GAP43: variants seen among roughly 807,000 people sequenced by gnomAD.
GAP43 encodes growth associated protein 43.
GAP43 carries 6 observed loss-of-function variants against 18.6 expected under a neutral mutation model. The observed-to-expected ratio is 0.32, with a 90% CI of 0.18 to 0.64. The LOEUF (loss-of-function observed/expected upper bound fraction) is 0.64, where lower values mean the gene tolerates loss of function less well. Among genes scored for constraint, GAP43 ranks in the 30% least tolerant of loss-of-function variants. The pLI is 0.78. For synonymous variants in GAP43, 115 were observed against 111.4 expected (o/e 1.03, Z -0.20); for missense variants, 292 against 295.5 (o/e 0.99, Z 0.09).
intron 1 of GAP43, among the ~76,000 whole-genome samples, chr3:115,671,172 G>A (rs1049376250): frequency 6.6e-6 from 1 of 152,090 alleles, no homozygotes; most frequent in South Asian, 2.1e-4. Flanking sequence ...TTTGCCTAGA[G>A]CTCTTTTGTA....
Position 115,652,389 on chromosome 3 carries a change from A to ATTTTTTT in GAP43, c.31-23623_31-23622insTTTTTTT, listed in dbSNP as rs1708531283. The stretch of plus-strand genomic sequence containing the variant: ...TTTTTTTTTTTTTTTTTTTTTTGTG[A>ATTTTTTT]TAGAGTCTTGCTCTGTTGAGTCTTG... On this transcript the variant is annotated intron_variant, in intron 1 of 2. Coordinates refer to ENST00000305124, the MANE Select transcript of GAP43 (RefSeq NM_002045.4). Among the ~76,000 whole-genome samples, 59 of 25,604 alleles carry ATTTTTTT rather than the reference A, an allele frequency of 2.3e-3. 1 individual carries two copies. The highest frequency in any genetic ancestry group is 4.5e-3 in the African/African-American group (39 of 8,634). 16.8% of individuals were successfully genotyped at this position (25,604 alleles called of 152,430 possible).
chr3:115,703,028 A>T (rs1202038076), intron 2 of GAP43, among the ~76,000 whole-genome samples: 1 of 152,136 alleles, frequency 6.6e-6, no homozygotes, highest in Non-Finnish European at 1.5e-5. Context: ...AACTTTCCTA[A>T]TTGTTGATGT....
chr3:115,700,684 T>C (rs1442917791), intron 2 of GAP43, among the ~76,000 whole-genome samples: 2 of 152,158 alleles, frequency 1.3e-5, no homozygotes, highest in Non-Finnish European at 2.9e-5. Context: ...CACATCTAAA[T>C]ATTTTCTATG....
chr3:115,629,632 A>G (rs900906206), intron 1 of GAP43, among the ~76,000 whole-genome samples: 4 of 152,040 alleles, frequency 2.6e-5, no homozygotes, highest in African/African-American at 9.7e-5. Context: ...ATTATCACTT[A>G]TTGCACTATT....
rs1040825849 is a variant in GAP43 at position 115,721,153 on chromosome 3, A to G, written c.*271A>G. The G allele has an allele frequency of 1.3e-5, 3 of 231,140 alleles. No individual in the cohort carries two copies. Among genetic ancestry groups the G allele is most frequent in the South Asian group, 9.0e-5 (1 of 11,148 alleles). The allele number at this position is 231,140 out of a possible 1,614,324, so 14.3% of individuals were successfully genotyped here. On this transcript the variant is annotated 3_prime_UTR_variant, in exon 3 of 3. Coordinates refer to ENST00000305124, the MANE Select transcript of GAP43 (RefSeq NM_002045.4). The stretch of plus-strand genomic sequence containing the variant: ...GCAAGTTTTTGGTAATGATGATTCA[A>G]TCATTTTGGGAAATTCTTGCACTGT...
At chr3:115,695,215 A>G (rs1709169678) in intron 2 of GAP43, among the ~76,000 whole-genome samples, 5 of 152,192 alleles carry the variant, frequency 3.3e-5, no homozygotes, top group Admixed American at 3.3e-4. Flanking sequence ...TCCTTAGACT[A>G]TGCTTTTTAA....
At chr3:115,652,950 C>T (rs548691110) in intron 1 of GAP43, among the ~76,000 whole-genome samples, 187 of 152,228 alleles carry the variant, frequency 1.2e-3, no homozygotes, top group South Asian at 2.5e-3. Context: ...ATGTGTTCTG[C>T]TATTCAGAAC....
Position 115,623,513 on chromosome 3 carries a change from G to T in GAP43, c.-177G>T. ...ATGAGCAATAGCTGTGGACCTTACA[G>T]TTGCTGCTAACTGCCCTGGTGTGTG... On this transcript the variant is annotated 5_prime_UTR_variant, in exon 1 of 3. Coordinates refer to ENST00000305124, the MANE Select transcript of GAP43 (RefSeq NM_002045.4). 1 of 674,652 alleles carries T rather than the reference G, an allele frequency of 1.5e-6. No homozygotes were observed. Among genetic ancestry groups the T allele is most frequent in the Non-Finnish European group, 2.6e-6 (1 of 385,778 alleles). The allele number at this position is 674,652 out of a possible 1,614,324, so 41.8% of individuals were successfully genotyped here. A position where few individuals can be genotyped will look rare whatever the true frequency, so the allele number is the denominator to read the frequency against.
chr3:115,705,966 A>G (rs1366098722), intron 2 of GAP43, among the ~76,000 whole-genome samples: 1 of 152,104 alleles, frequency 6.6e-6, no homozygotes, highest in Non-Finnish European at 1.5e-5. Context: ...TTGCCTAGAA[A>G]ACTTTCAAGA....
In GAP43 at chr3:115,675,708, G is replaced by A. The variant is rs1241023084; in HGVS notation, c.31-305G>A. On this transcript the variant is annotated intron_variant, in intron 1 of 2. Coordinates refer to ENST00000305124, the MANE Select transcript of GAP43 (RefSeq NM_002045.4). ...TGGGAGGCGGAGGTTGCCGTGAGCT[G>A]AGACCACGCCATTGTACTCCAGCCT... 1.5e-5 allele frequency among the ~76,000 whole-genome samples: 2 copies of A among 133,570 alleles called. 1 individual carries two copies. Among genetic ancestry groups the A allele is most frequent in the South Asian group, 5.2e-4 (2 of 3,852 alleles). The allele number at this position is 133,570 out of a possible 152,430, so 87.6% of individuals were successfully genotyped here.
chr3:115,650,945 C>T (rs77044825), intron 1 of GAP43, among the ~76,000 whole-genome samples: 3,084 of 151,736 alleles, frequency 0.02, 104 homozygotes, highest in African/African-American at 0.07. Context: ...GCCTCAATAG[C>T]GAGACCTTGT....
chr3:115,708,749 G>A (rs999183137), intron 2 of GAP43, among the ~76,000 whole-genome samples: 2 of 152,082 alleles, frequency 1.3e-5, no homozygotes, highest in African/African-American at 4.8e-5. Context: ...GTGGCAGGTG[G>A]GGCTGTTAGC....
chr3:115,691,895 G>C (rs1709119928), intron 2 of GAP43, among the ~76,000 whole-genome samples: 1 of 151,756 alleles, frequency 6.6e-6, no homozygotes, highest in South Asian at 2.1e-4. Flanking sequence ...GATACCTTAA[G>C]GGAAATAGCT....
chr3:115,705,114 C>CCAAA (rs1709343661), intron 2 of GAP43, among the ~76,000 whole-genome samples: 1 of 152,062 alleles, frequency 6.6e-6, no homozygotes, highest in Admixed American at 6.6e-5. Flanking sequence ...CAAGTACTAC[C>CCAAA]CAAACACATC....
intron 1 of GAP43, among the ~76,000 whole-genome samples, chr3:115,624,963 G>T (rs958445041): frequency 6.6e-6 from 1 of 151,596 alleles, no homozygotes; most frequent in Non-Finnish European, 1.5e-5. Flanking sequence ...TGCCTTAGGG[G>T]TGGGGTGCAA....
intron 1 of GAP43, among the ~76,000 whole-genome samples, chr3:115,641,230 A>T (rs1379364083): frequency 6.6e-6 from 1 of 150,556 alleles, no homozygotes; most frequent in African/African-American, 2.4e-5. Flanking sequence ...TTGAAAAATC[A>T]CCTTCTTCAT....
intron 1 of GAP43, 130 bp from the exon 2 acceptor site, chr3:115,675,883 T>C (rs1015374767): frequency 3.0e-5 from 40 of 1,326,750 alleles, no homozygotes; most frequent in Non-Finnish European, 4.1e-5. Context: ...CAGGGTACTG[T>C]TGAATTCTTA....
chr3:115,639,753 T>C (rs1708374453), intron 1 of GAP43, among the ~76,000 whole-genome samples: 1 of 152,080 alleles, frequency 6.6e-6, no homozygotes, highest in Non-Finnish European at 1.5e-5. Context: ...AGAAAATCAA[T>C]GACTTCTCAA....
chr3:115,688,369 G>T (rs1709061429), intron 2 of GAP43, among the ~76,000 whole-genome samples: 1 of 152,002 alleles, frequency 6.6e-6, no homozygotes, highest in South Asian at 2.1e-4. Flanking sequence ...TAAAAAATAG[G>T]CTAATAATGC....
Sources: allele counts gnomAD v4.1 joint callset (sites outside exome capture counted in the v4.1 genomes callset), GRCh38; gene constraint gnomAD v4.1.1; transcripts MANE v1.5; gene names NCBI Gene and HGNC (gene_info 2026-07-23, HGNC 2026-07-21).